The following TRIM5 variants were observed in gnomAD, a reference collection of about 807,000 sequenced individuals.
The protein encoded by TRIM5 is tripartite motif-containing protein 5.
A neutral mutation model predicts 35.6 loss-of-function variants in TRIM5; 31 were observed. The ratio of observed to expected loss-of-function variants is 0.87; its 90% CI spans 0.65 to 1.18. The LOEUF is 1.18. TRIM5 is among the 50% of genes most tolerant of loss of function. The probability of loss-of-function intolerance (pLI) is 0.00; values close to 1 mark genes in which losing one functional copy is unlikely to be tolerated. For missense variants in TRIM5, 609 were observed against 591.6 expected (o/e 1.03, Z -0.31); for synonymous variants, 243 against 215.6 (o/e 1.13, Z -1.11).
At chr11:5,675,767 T>C (rs1405004977) in intron 4 of TRIM5, among the ~76,000 whole-genome samples, 1 of 147,786 alleles carries the variant, frequency 6.8e-6, no homozygotes, top group Non-Finnish European at 1.5e-5. Flanking sequence ...TAGTTACATA[T>C]GTATACATGT....
At chr11:5,656,521 G>GT in the TRIM5 span, among the ~76,000 whole-genome samples, 1 of 151,920 alleles carries the variant, frequency 6.6e-6, no homozygotes, top group African/African-American at 2.4e-5. Flanking sequence ...TGCCCGGCTA[G>GT]TTTTGTATTT....
At chr11:5,619,966 C>G in the TRIM5 span, 1 of 151,452 alleles carries the variant, frequency 6.6e-6, no homozygotes, top group Non-Finnish European at 1.5e-5. Flanking sequence ...TCCCAAAGTG[C>G]TGGGATTACA....
the TRIM5 span, among the ~76,000 whole-genome samples, chr11:5,604,331 A>G: frequency 6.6e-6 from 1 of 152,172 alleles, no homozygotes; most frequent in Non-Finnish European, 1.5e-5. Flanking sequence ...CACCTTCCCA[A>G]GGGGGATGGA....
At position 5,678,411 on chromosome 11, in the gene TRIM5, G is replaced by C; in HGVS notation, c.537C>G (p.Thr179=). ...GTTGCTCAAAATCTGCCAAGACGTT[G>C]GTTTTGTCATACTGTATTTGAGTCT... ...SWKTQIQYDK[T]NVLADFEQLR... The change falls in exon 4 of 8, where the codon ACC becomes ACG. Residue 179 remains threonine (T), a synonymous_variant. Coordinates refer to ENST00000380034, the MANE Select transcript of TRIM5 (RefSeq NM_033034.3). 1 of 1,583,400 alleles carries C rather than the reference G, an allele frequency of 6.3e-7. No homozygotes were observed. The highest frequency in any genetic ancestry group is 1.1e-5 in the South Asian group (1 of 87,006).
At chr11:5,623,534 ATTTTT>A in the TRIM5 span, among the ~76,000 whole-genome samples, 6 of 126,620 alleles carry the variant, frequency 4.7e-5, no homozygotes, top group East Asian at 2.3e-4. Context: ...TGCCCGGCTA[ATTTTT>A]TTTTTTTTTT....
At chr11:5,642,913 T>C in the TRIM5 span, 34 of 1,592,684 alleles carry the variant, frequency 2.1e-5, no homozygotes, top group African/African-American at 4.0e-4. Context: ...TTCAATGATA[T>C]CTTCTGATCT....
the TRIM5 span, chr11:5,643,356 C>A: frequency 6.2e-7 from 1 of 1,613,940 alleles, no homozygotes; most frequent in African/African-American, 1.3e-5. Context: ...AACATATTCC[C>A]GCCATATGAA....
downstream of TRIM5, among the ~76,000 whole-genome samples, chr11:5,660,768 C>T (rs1850786577): frequency 6.6e-6 from 1 of 151,852 alleles, no homozygotes; most frequent in South Asian, 2.1e-4. Flanking sequence ...ATAGGCCGGG[C>T]GCAGTGGCTC....
rs924484966 is a variant in TRIM5, at chr11:5,663,603, G to C, written c.*1206C>G. 9.4e-6 allele frequency: 9 copies of C among 953,884 alleles called. No individual in the cohort carries two copies. The highest frequency in any genetic ancestry group is 2.5e-6 in the Non-Finnish European group (2 of 801,148). The allele number at this position is 953,884 out of a possible 1,614,324, so 59.1% of individuals were successfully genotyped here. A position where few individuals can be genotyped will look rare whatever the true frequency, so the allele number is the denominator to read the frequency against. On this transcript the variant is annotated 3_prime_UTR_variant, in exon 8 of 8. Transcript: ENST00000380034. ...ATTTATTTTTTCACAATGATCCAAA[G>C]TATTAGATGAAGGTTTTTTGTTTTA...
At chr11:5,632,701 G>A in the TRIM5 span, 7 of 1,612,426 alleles carry the variant, frequency 4.3e-6, no homozygotes, top group Non-Finnish European at 5.9e-6. Flanking sequence ...GCGGTCTCAG[G>A]AGCACCGTGG....
the TRIM5 span, chr11:5,611,736 A>T: frequency 4.9e-6 from 1 of 202,728 alleles, no homozygotes; most frequent in Non-Finnish European, 1.0e-5. Context: ...TACAGATGTG[A>T]GCCGCCGCGC....
chr11:5,655,009 G>A, the TRIM5 span, among the ~76,000 whole-genome samples: 1 of 151,964 alleles, frequency 6.6e-6, no homozygotes, highest in African/African-American at 2.4e-5. Context: ...TGGCTAACAT[G>A]GTGAAACCTG....
At chr11:5,600,406 A>C in the TRIM5 span, among the ~76,000 whole-genome samples, 5 of 152,188 alleles carry the variant, frequency 3.3e-5, no homozygotes, top group Non-Finnish European at 1.5e-5. Context: ...AAGCATGGCA[A>C]AGCTGAAGAG....
At chr11:5,596,843 C>T in the TRIM5 span, 1 of 1,613,572 alleles carries the variant, frequency 6.2e-7, no homozygotes, top group East Asian at 2.2e-5. Context: ...CTCTGAAGAG[C>T]TTTGACCACC....
the TRIM5 span, chr11:5,589,116 T>C: frequency 2.0e-5 from 3 of 151,998 alleles, no homozygotes; most frequent in Non-Finnish European, 4.4e-5. Flanking sequence ...TCTCAGACAA[T>C]TGAAGTTTTT....
At chr11:5,595,830 C>G in the TRIM5 span, among the ~76,000 whole-genome samples, 1 of 151,814 alleles carries the variant, frequency 6.6e-6, no homozygotes, top group Admixed American at 6.6e-5. Flanking sequence ...GTAGCTAGGA[C>G]CACAGGCGCG....
the TRIM5 span, among the ~76,000 whole-genome samples, chr11:5,657,686 ATT>A: frequency 3.1e-5 from 4 of 129,276 alleles, no homozygotes; most frequent in Admixed American, 1.8e-4. Context: ...ATATATATAT[ATT>A]TATAATATAA....
the TRIM5 span, chr11:5,632,748 A>C: frequency 3.1e-4 from 488 of 1,597,832 alleles, 2 homozygotes; most frequent in Admixed American, 3.2e-4. Context: ...TATTCAAGGA[A>C]TGTCAGGTAG....
chr11:5,666,493 G>A (rs1851149513), intron 5 of TRIM5, among the ~76,000 whole-genome samples: 1 of 152,168 alleles, frequency 6.6e-6, no homozygotes, highest in African/African-American at 2.4e-5. Flanking sequence ...GAGTTCCCAG[G>A]GAGATGGTTA....
Sources: gnomAD v4.1 joint callset for allele counts (sites outside exome capture counted in the v4.1 genomes callset) on GRCh38, gnomAD v4.1.1 for gene constraint, MANE v1.5 for transcripts, NCBI Gene and HGNC (gene_info 2026-07-23, HGNC 2026-07-21) for gene names.